PRDM16: variants seen among roughly 807,000 people sequenced by gnomAD.
PRDM16 encodes PR/SET domain 16, also known as histone-lysine N-methyltransferase PRDM16.
PRDM16 carries 23 observed loss-of-function variants against 110.6 expected under a neutral mutation model. The ratio of observed to expected loss-of-function variants is 0.21; its 90% CI spans 0.15 to 0.29. The LOEUF (loss-of-function observed/expected upper bound fraction) is 0.29, where lower values mean the gene tolerates loss of function less well. PRDM16 is among the 10% of genes least tolerant of loss of function. The pLI is 1.00. For missense variants in PRDM16, 1,615 were observed against 1,794.3 expected (o/e 0.90, Z 1.81); for synonymous variants, 799 against 781.8 (o/e 1.02, Z -0.37).
intron 3 of PRDM16, among the ~76,000 whole-genome samples, chr1:3,315,136 TCCTTTCTCCC>T (rs1315298340): frequency 6.1e-4 from 91 of 149,594 alleles, no homozygotes; most frequent in Middle Eastern, 3.4e-3. Flanking sequence ...CTCTTTCTCC[TCCTTTCTCCC>T]CCGCTTCACT....
chr1:3,364,854 G>A (rs72849634), intron 3 of PRDM16, among the ~76,000 whole-genome samples: 6,943 of 152,290 alleles, frequency 0.046, 487 homozygotes, highest in African/African-American at 0.16. Flanking sequence ...GCATGTTTTC[G>A]GGGACCCTGT....
Position 3,402,806 on chromosome 1 carries a change from G to T in PRDM16, c.692G>T (p.Arg231Leu), listed in dbSNP as rs1407647352. 1.2e-6 allele frequency: 2 copies of T among 1,612,098 alleles called. No homozygotes were observed. Among genetic ancestry groups the T allele is most frequent in the Non-Finnish European group, 8.5e-7 (1 of 1,179,180 alleles). ...TCTCTTGCAGAGGAGCCCACGTTCC[G>T]CTGTGACGAGTGTGACGAACTCTTC... Reference protein sequence around the residue: ...PPGLDEEPTFRCDECDELFQS... With the variant: ...PPGLDEEPTFLCDECDELFQS... The change falls in exon 6 of 17, where the codon CGC becomes CTC. Residue 231 changes from arginine (R) to leucine (L), a missense_variant. By Grantham distance (102) the Arg-to-Leu change is moderately radical. Transcript: ENST00000270722.
At chr1:3,329,025 C>G (rs1234267267) in intron 3 of PRDM16, among the ~76,000 whole-genome samples, 1 of 152,210 alleles carries the variant, frequency 6.6e-6, no homozygotes, top group Non-Finnish European at 1.5e-5. Flanking sequence ...CCTTTCCCCC[C>G]AGGCGAGGAA....
At chr1:3,216,081 C>T (rs1639025324) in intron 2 of PRDM16, among the ~76,000 whole-genome samples, 1 of 152,136 alleles carries the variant, frequency 6.6e-6, no homozygotes, top group Non-Finnish European at 1.5e-5. Context: ...GTGTATGATG[C>T]TCTTTGTCTC....
intron 1 of PRDM16, among the ~76,000 whole-genome samples, chr1:3,097,950 T>C (rs571842283): frequency 6.6e-6 from 1 of 152,234 alleles, no homozygotes; most frequent in South Asian, 2.1e-4. Flanking sequence ...CCCCTCTTCT[T>C]GTCCTGTCCC....
rs181074980 is a variant in PRDM16, at chr1:3,327,722, G to A, written c.439-57430G>A. 2.8e-3 allele frequency among the ~76,000 whole-genome samples: 421 copies of A among 152,254 alleles called. 6 individuals are homozygous for A. Among genetic ancestry groups the A allele is most frequent in the Admixed American group, 5.1e-3 (78 of 15,280 alleles). On this transcript the variant is annotated intron_variant, in intron 3 of 16. Transcript: ENST00000270722. ...GGGGATGCCAAGGCCCACTCAAAGC[G>A]CCACCACTGCACTTGGCCCCCACCC...
At position 3,350,818 on chromosome 1, in the gene PRDM16, T is replaced by C. The variant is rs1161283443; in HGVS notation, c.439-34334T>C. ...TCTTTCTGGGCCTCAAACTCTTTTT[T>C]GAGGCCAGGTGGGTGGGGCCCAGCC... On this transcript the variant is annotated intron_variant, in intron 3 of 16. Coordinates refer to ENST00000270722, the MANE Select transcript of PRDM16 (RefSeq NM_022114.4). This position sits in a 1 kb window ranked among gnomAD's most constrained non-coding sequence, Gnocchi z 7.1. 1.3e-5 allele frequency among the ~76,000 whole-genome samples: 2 copies of C among 152,134 alleles called. No homozygotes were observed. The highest frequency in any genetic ancestry group is 2.9e-5 in the Non-Finnish European group (2 of 68,004).
chr1:3,419,911 C>A (rs1053415991), intron 12 of PRDM16, among the ~76,000 whole-genome samples: 9 of 151,848 alleles, frequency 5.9e-5, no homozygotes, highest in Non-Finnish European at 1.3e-4. Context: ...CAGCCCTCCC[C>A]AATTCACAGG....
At chr1:3,429,318 G>C (rs986220886) in intron 14 of PRDM16, among the ~76,000 whole-genome samples, 1 of 152,236 alleles carries the variant, frequency 6.6e-6, no homozygotes, top group African/African-American at 2.4e-5. Context: ...TTCTGTGTCC[G>C]TGCCGGATGC....
intron 2 of PRDM16, among the ~76,000 whole-genome samples, chr1:3,231,515 T>C (rs2651921): frequency 1 from 152,349 of 152,352 alleles, 76,173 homozygotes; most frequent in Middle Eastern, 1. Context: ...GATGCGGGGG[T>C]CGAGAGGTGT....
intron 1 of PRDM16, among the ~76,000 whole-genome samples, chr1:3,178,051 C>T (rs1232631718): frequency 6.6e-6 from 1 of 152,166 alleles, no homozygotes; most frequent in Non-Finnish European, 1.5e-5. Context: ...AACAGACTTG[C>T]AAGGCTCGGC....
intron 14 of PRDM16, among the ~76,000 whole-genome samples, chr1:3,427,371 T>C (rs55833861): frequency 0.21 from 32,583 of 152,108 alleles, 4,151 homozygotes; most frequent in African/African-American, 0.35. Flanking sequence ...AAGTGGGGTG[T>C]CTTGCTCAGG....
At position 3,235,330 on chromosome 1, in the gene PRDM16, C is replaced by T. The variant is rs1261627452; in HGVS notation, c.388-8757C>T. Among the ~76,000 whole-genome samples the T allele has an allele frequency of 3.3e-5, 5 of 152,338 alleles. No homozygotes were observed. The East Asian group carries it at 7.7e-4, about 24-fold the overall frequency. ...GGCTCTTGGACTGGCCGCTGCTTCC[C>T]TTTCTCGTGCTGGAAGTGATGGCTC... On this transcript the variant is annotated intron_variant, in intron 2 of 16. Coordinates refer to ENST00000270722, the MANE Select transcript of PRDM16 (RefSeq NM_022114.4).
chr1:3,116,948 TG>T (rs1642976486), intron 1 of PRDM16, among the ~76,000 whole-genome samples: 1 of 152,186 alleles, frequency 6.6e-6, no homozygotes, highest in Admixed American at 6.5e-5. Context: ...CACTCACACC[TG>T]GGGTGGATCA....
At chr1:3,076,306 G>A (rs1000474887) in intron 1 of PRDM16, among the ~76,000 whole-genome samples, 1 of 152,230 alleles carries the variant, frequency 6.6e-6, no homozygotes, top group Non-Finnish European at 1.5e-5. Flanking sequence ...GGGAGGGTGT[G>A]GGATACGTGC....
At chr1:3,097,776 G>A (rs1386432587) in intron 1 of PRDM16, among the ~76,000 whole-genome samples, 1 of 152,194 alleles carries the variant, frequency 6.6e-6, no homozygotes, top group African/African-American at 2.4e-5. Flanking sequence ...GAGGGGGCGG[G>A]AGGCAGCGCC....
chr1:3,141,187 G>A (rs1056427578), intron 1 of PRDM16, among the ~76,000 whole-genome samples: 9 of 152,114 alleles, frequency 5.9e-5, no homozygotes, highest in Non-Finnish European at 1.2e-4. Context: ...CCGTCCGCCC[G>A]CTTCTCATCC....
chr1:3,141,926 TA>T (rs1359261709), intron 1 of PRDM16, among the ~76,000 whole-genome samples: 1 of 152,242 alleles, frequency 6.6e-6, no homozygotes, highest in Non-Finnish European at 1.5e-5. Context: ...AGGGGATTTT[TA>T]CCTTTTCTGG....
At position 3,244,709 on chromosome 1, in the gene PRDM16, A is replaced by G. The variant is rs190874255; in HGVS notation, c.438+572A>G. ...GTCTAACAGATCCAGAGGGAGAACC[A>G]TGTGCAGAGAAACACACAGGCCCTG... On this transcript the variant is annotated intron_variant, in intron 3 of 16. Transcript: ENST00000270722. The surrounding 1 kb of genome is among the most constrained non-coding windows in gnomAD (Gnocchi z 4.1). 1.5e-3 allele frequency among the ~76,000 whole-genome samples: 236 copies of G among 152,316 alleles called. 3 individuals are homozygous for G. Among genetic ancestry groups the G allele is most frequent in the African/African-American group, 5.4e-3 (223 of 41,564 alleles).
Sources: gnomAD v4.1 joint callset for allele counts (sites outside exome capture counted in the v4.1 genomes callset) on GRCh38, gnomAD v4.1.1 for gene constraint, Gnocchi (gnomAD v3.1) non-coding constraint, MANE v1.5 for transcripts, NCBI Gene and HGNC (gene_info 2026-07-23, HGNC 2026-07-21) for gene names.